The following RTN1 variants were observed in gnomAD, a reference collection of about 807,000 sequenced individuals.
The protein encoded by RTN1 is reticulon-1.
Under a neutral mutation model 65.5 loss-of-function variants are expected in RTN1, and 25 were observed. The observed-to-expected ratio is 0.38, with a 90% CI of 0.28 to 0.53. The LOEUF (loss-of-function observed/expected upper bound fraction) is 0.53. Ranked by LOEUF, RTN1 falls within the 20% of genes least tolerant of loss-of-function variation. The probability of loss-of-function intolerance (pLI) is 0.79; values close to 1 mark genes in which losing one functional copy is unlikely to be tolerated. For synonymous variants in RTN1, 471 were observed against 447.6 expected (o/e 1.05, Z -0.66); for missense variants, 983 against 1,025.4 (o/e 0.96, Z 0.57).
chr14:59,611,834 C>T (rs1457657776), intron 3 of RTN1, among the ~76,000 whole-genome samples: 3 of 152,156 alleles, frequency 2.0e-5, no homozygotes, highest in Non-Finnish European at 4.4e-5. Flanking sequence ...TGTCCATCTC[C>T]TCTTTGTCTG....
At chr14:59,830,234 T>G (rs914255703) in intron 1 of RTN1, among the ~76,000 whole-genome samples, 3 of 152,202 alleles carry the variant, frequency 2.0e-5, no homozygotes, top group Non-Finnish European at 1.5e-5. Flanking sequence ...ACATCGGATA[T>G]GAATCTGAAT....
chr14:59,619,193 G>A (rs529260078), intron 3 of RTN1, among the ~76,000 whole-genome samples: 1 of 152,306 alleles, frequency 6.6e-6, no homozygotes, highest in South Asian at 2.1e-4. Flanking sequence ...AATTAAGGGT[G>A]AAAACAGCAT....
chr14:59,704,786 C>T lies in RTN1; in HGVS notation c.1765+22133G>A, dbSNP rs185752775. Reference sequence around the variant, plus strand: ...TTGGACTTGTGCTGCAGCTGATTCCCGGACACTGTGATCAGGAAGAAAACC... The same window carrying T: ...TTGGACTTGTGCTGCAGCTGATTCCTGGACACTGTGATCAGGAAGAAAACC... On this transcript the variant is annotated intron_variant, in intron 3 of 8. Coordinates refer to ENST00000267484, the MANE Select transcript of RTN1 (RefSeq NM_021136.3). 3.4e-4 allele frequency among the ~76,000 whole-genome samples: 52 copies of T among 152,120 alleles called. 1 individual carries two copies. In the East Asian group the frequency reaches 4.8e-3, roughly 14 times the overall value.
At chr14:59,782,851 A>T (rs1886182480) in intron 1 of RTN1, among the ~76,000 whole-genome samples, 2 of 151,998 alleles carry the variant, frequency 1.3e-5, no homozygotes, top group Non-Finnish European at 2.9e-5. Flanking sequence ...TCTCTTTTTG[A>T]GAATGATTAT....
intron 3 of RTN1, among the ~76,000 whole-genome samples, chr14:59,660,504 A>C (rs576423716): frequency 1.1e-4 from 17 of 152,340 alleles, no homozygotes; most frequent in Non-Finnish European, 2.5e-4. Context: ...AACACTCTTC[A>C]GCAAATGCAA....
At chr14:59,764,254 CA>C (rs1885806314) in intron 1 of RTN1, among the ~76,000 whole-genome samples, 1 of 151,156 alleles carries the variant, frequency 6.6e-6, no homozygotes, top group South Asian at 2.1e-4. Flanking sequence ...ACAAGCAGTC[CA>C]AAAACAACTT....
intron 8 of RTN1, among the ~76,000 whole-genome samples, chr14:59,599,764 G>A (rs1881521449): frequency 6.6e-6 from 1 of 152,044 alleles, no homozygotes; most frequent in Admixed American, 6.6e-5. Flanking sequence ...CTTGAAATTA[G>A]GCCTTCAGTT....
chr14:59,867,340 TAAC>T (rs1244468940), intron 1 of RTN1, among the ~76,000 whole-genome samples: 1 of 152,232 alleles, frequency 6.6e-6, no homozygotes, highest in East Asian at 1.9e-4. Flanking sequence ...CTTTTATGAT[TAAC>T]AACGCTAACA....
At chr14:59,867,243 A>T (rs1019640407) in intron 1 of RTN1, among the ~76,000 whole-genome samples, 3 of 152,204 alleles carry the variant, frequency 2.0e-5, no homozygotes, top group African/African-American at 7.2e-5. Context: ...CTCCTTTTGA[A>T]TAGTTTCCAG....
At chr14:59,785,697 A>G (rs1886238315) in intron 1 of RTN1, among the ~76,000 whole-genome samples, 1 of 152,226 alleles carries the variant, frequency 6.6e-6, no homozygotes, top group Admixed American at 6.5e-5. Context: ...TGAAAAAGGT[A>G]AAACAACTTG....
chr14:59,707,826 A>G (rs1001823353), intron 3 of RTN1, among the ~76,000 whole-genome samples: 11 of 152,130 alleles, frequency 7.2e-5, no homozygotes, highest in Non-Finnish European at 1.5e-4. Flanking sequence ...ACATTCTGAC[A>G]ACAGCCTCAT....
intron 1 of RTN1, among the ~76,000 whole-genome samples, chr14:59,801,721 T>A (rs1226415138): frequency 6.6e-6 from 1 of 151,896 alleles, no homozygotes; most frequent in South Asian, 2.1e-4. Flanking sequence ...ACAAAAGATA[T>A]GAAGGAGGAA....
intron 1 of RTN1, among the ~76,000 whole-genome samples, chr14:59,810,395 T>A (rs1291852966): frequency 6.6e-6 from 1 of 152,192 alleles, no homozygotes; most frequent in African/African-American, 2.4e-5. Flanking sequence ...AAGACACTGA[T>A]GCAAACATGA....
At position 59,745,748 on chromosome 14, in the gene RTN1, G is replaced by A. The variant is rs760078547; in HGVS notation, c.975C>T (p.Asp325=). The change falls in exon 2 of 9, where the codon GAC becomes GAT. Residue 325 remains aspartate, a synonymous_variant. Transcript: ENST00000267484. ...VPTVTVSEPE[D]DSPGSITPPS... ...GAGGGGTGATAGATCCTGGGCTGTCGTCTTCAGGCTCCGAGACAGTGACAG... is the reference window on the plus strand; with the variant it reads ...GAGGGGTGATAGATCCTGGGCTGTCATCTTCAGGCTCCGAGACAGTGACAG... 15 of 1,613,496 alleles carry A rather than the reference G, an allele frequency of 9.3e-6. No homozygotes were observed. Among genetic ancestry groups the A allele is most frequent in the East Asian group, 6.7e-5 (3 of 44,884 alleles).
intron 1 of RTN1, among the ~76,000 whole-genome samples, chr14:59,838,830 C>T (rs12890222): frequency 0.25 from 37,890 of 151,902 alleles, 5,006 homozygotes; most frequent in East Asian, 0.55. Context: ...ATTAAAGGCA[C>T]ACATAATTGA....
chr14:59,858,194 C>A (rs1329232442), intron 1 of RTN1, among the ~76,000 whole-genome samples: 1 of 152,170 alleles, frequency 6.6e-6, no homozygotes, highest in South Asian at 2.1e-4. Flanking sequence ...ACGTCTCCTA[C>A]AAAATGCCAA....
chr14:59,870,331 G>A lies in RTN1; in HGVS notation c.241+59C>T, dbSNP rs1887873941. The stretch of plus-strand genomic sequence containing the variant: ...TGCCCAGGAGAGCCGCGCAGAAGGG[G>A]ACTGACTGGGGGGCCCTGGTCCCCG... On this transcript the variant is annotated intron_variant, in intron 1 of 8. Coordinates refer to ENST00000267484, the MANE Select transcript of RTN1 (RefSeq NM_021136.3). The surrounding 1 kb of genome is among the most constrained non-coding windows in gnomAD (Gnocchi z 5.1). 14 of 1,406,414 alleles carry A rather than the reference G, an allele frequency of 1.0e-5. No homozygotes were observed. The South Asian group carries it at 2.2e-4, about 22-fold the overall frequency. The allele number at this position is 1,406,414 out of a possible 1,614,324, so 87.1% of individuals were successfully genotyped here.
chr14:59,780,276 C>T (rs1312165356), intron 1 of RTN1, among the ~76,000 whole-genome samples: 1 of 152,130 alleles, frequency 6.6e-6, no homozygotes, highest in Non-Finnish European at 1.5e-5. Flanking sequence ...ATGGAGGGTT[C>T]TCAGGAAATA....
chr14:59,665,560 C>A (rs1296695028), intron 3 of RTN1, among the ~76,000 whole-genome samples: 3 of 152,108 alleles, frequency 2.0e-5, no homozygotes, highest in African/African-American at 7.2e-5. Flanking sequence ...CAGCAAACAT[C>A]GTAGTGAGAG....
Sources: gnomAD v4.1 joint callset for allele counts (sites outside exome capture counted in the v4.1 genomes callset) on GRCh38, gnomAD v4.1.1 for gene constraint, Gnocchi (gnomAD v3.1) non-coding constraint, MANE v1.5 for transcripts, NCBI Gene and HGNC (gene_info 2026-07-23, HGNC 2026-07-21) for gene names.